The following CAMKMT variants were observed in gnomAD, a reference collection of about 807,000 sequenced individuals.
CAMKMT encodes calmodulin-lysine N-methyltransferase.
In CAMKMT, 53 loss-of-function variants were observed where a neutral mutation model predicts 48.0. The ratio of observed to expected loss-of-function variants is 1.10; its 90% CI spans 0.89 to 1.39. The LOEUF (loss-of-function observed/expected upper bound fraction) is 1.39. Among genes scored for constraint, CAMKMT ranks in the 40% most tolerant of loss-of-function variants. The probability of loss-of-function intolerance (pLI) is 0.00; values close to 1 mark genes in which losing one functional copy is unlikely to be tolerated. For missense variants in CAMKMT, 428 were observed against 402.7 expected, an observed-to-expected ratio of 1.06 and a Z score of -0.54; for synonymous variants, 165 against 152.3, an observed-to-expected ratio of 1.08 and a Z score of -0.61.
At chr2:44,447,265 C>T (rs762893387) in intron 3 of CAMKMT, among the ~76,000 whole-genome samples, 21 of 152,230 alleles carry the variant, frequency 1.4e-4, no homozygotes, top group East Asian at 5.8e-4. Context: ...AACTCATTGT[C>T]GAGTATGCTT....
intron 3 of CAMKMT, among the ~76,000 whole-genome samples, chr2:44,421,325 A>G (rs1004244970): frequency 1.3e-5 from 2 of 152,174 alleles, no homozygotes; most frequent in African/African-American, 2.4e-5. Flanking sequence ...ATGTTTGATA[A>G]GAACATCCAC....
At position 44,766,418 on chromosome 2, in the gene CAMKMT, T is replaced by A. The variant is rs769478097; in HGVS notation, c.763-12T>A. On this transcript the variant is annotated splice_polypyrimidine_tract_variant and intron_variant, in intron 9 of 10. Transcript: ENST00000378494. ...GTTTTAAAATATGTGAATTTCCTTT[T>A]TACTGTTCTAGGGGAAAGCGATGGT... The A allele has an allele frequency of 6.2e-7, 1 of 1,613,320 alleles. No individual in the cohort carries two copies. Among genetic ancestry groups the A allele is most frequent in the Non-Finnish European group, 8.5e-7 (1 of 1,179,820 alleles).
chr2:44,562,037 A>G (rs1668351232), intron 3 of CAMKMT, among the ~76,000 whole-genome samples: 1 of 152,186 alleles, frequency 6.6e-6, no homozygotes, highest in African/African-American at 2.4e-5. Context: ...ACAGGTGGTG[A>G]ACTTGTGTGA....
chr2:44,465,397 A>AGACCAG (rs1395432128), intron 3 of CAMKMT, among the ~76,000 whole-genome samples: 31 of 152,170 alleles, frequency 2.0e-4, no homozygotes, highest in South Asian at 1.0e-3. Context: ...TAGGAGTTCA[A>AGACCAG]GACCAGCCTG....
intron 2 of CAMKMT, among the ~76,000 whole-genome samples, chr2:44,380,867 A>G (rs1572690755): frequency 6.6e-6 from 1 of 152,160 alleles, no homozygotes; most frequent in South Asian, 2.1e-4. Flanking sequence ...TTTCTTTAAG[A>G]AATAATGCTT....
chr2:44,469,007 T>G (rs1230129892), intron 3 of CAMKMT, among the ~76,000 whole-genome samples: 3 of 151,994 alleles, frequency 2.0e-5, no homozygotes, highest in African/African-American at 7.2e-5. Flanking sequence ...CTCATGGAAG[T>G]AGGGAATGGA....
At chr2:44,622,816 T>C (rs1672273037) in intron 3 of CAMKMT, among the ~76,000 whole-genome samples, 1 of 152,208 alleles carries the variant, frequency 6.6e-6, no homozygotes, top group Admixed American at 6.5e-5. Context: ...TGTGTCTTAT[T>C]GGTAGAATGA....
chr2:44,687,388 G>T (rs550205939), intron 3 of CAMKMT, among the ~76,000 whole-genome samples: 1 of 152,050 alleles, frequency 6.6e-6, no homozygotes, highest in African/African-American at 2.4e-5. Context: ...TTAGTATCTC[G>T]CCCAGTGCAA....
chr2:44,456,444 T>G (rs576767183), intron 3 of CAMKMT: 2 of 1,261,806 alleles, frequency 1.6e-6, no homozygotes, highest in South Asian at 3.5e-5. Flanking sequence ...TACCCTCTAT[T>G]TCTCAGAATT....
intron 3 of CAMKMT, among the ~76,000 whole-genome samples, chr2:44,637,804 C>T (rs1295357857): frequency 3.3e-5 from 5 of 152,010 alleles, no homozygotes; most frequent in South Asian, 4.2e-4. Flanking sequence ...CGGTGGCTCA[C>T]GCCTGTAATC....
At chr2:44,514,952 C>T (rs1216049436) in intron 3 of CAMKMT, among the ~76,000 whole-genome samples, 5 of 152,120 alleles carry the variant, frequency 3.3e-5, no homozygotes, top group South Asian at 2.1e-4. Context: ...GGTATATTTA[C>T]GAGAAAGGGA....
chr2:44,373,394 A>T (rs1375798677), intron 2 of CAMKMT, among the ~76,000 whole-genome samples: 2 of 152,242 alleles, frequency 1.3e-5, no homozygotes, highest in African/African-American at 4.8e-5. Context: ...TTCTGACTTT[A>T]AAAATCATTA....
chr2:44,602,771 A>T (rs1451250571), intron 3 of CAMKMT, among the ~76,000 whole-genome samples: 1 of 152,072 alleles, frequency 6.6e-6, no homozygotes, highest in Non-Finnish European at 1.5e-5. Flanking sequence ...TGAGAATAGC[A>T]TGAGGAAAAT....
chr2:44,622,532 C>G (rs1350244737), intron 3 of CAMKMT, among the ~76,000 whole-genome samples: 3 of 152,104 alleles, frequency 2.0e-5, no homozygotes, highest in Non-Finnish European at 2.9e-5. Context: ...ATGTCTGTTC[C>G]CATCTTTGAA....
chr2:44,486,236 G>A (rs1370056849), intron 3 of CAMKMT, among the ~76,000 whole-genome samples: 1 of 152,008 alleles, frequency 6.6e-6, no homozygotes, highest in Non-Finnish European at 1.5e-5. Flanking sequence ...CAAAGTGCTG[G>A]GATTACAGGT....
Position 44,642,580 on chromosome 2 carries a change from C to A in CAMKMT, c.377-61703C>A, listed in dbSNP as rs528290319. Among the ~76,000 whole-genome samples the A allele has an allele frequency of 2.0e-5, 3 of 152,278 alleles. No homozygotes were observed. The East Asian group carries it at 5.8e-4, about 29-fold the overall frequency. On this transcript the variant is annotated intron_variant, in intron 3 of 10. Transcript: ENST00000378494. ...CCTTCTGCTTCTCTGCATTGTGTGT[C>A]TGTGATTATGTGTGTGACTTTATGA... is the stretch of plus-strand genomic sequence containing the variant.
At chr2:44,574,885 C>A (rs1021963123) in intron 3 of CAMKMT, among the ~76,000 whole-genome samples, 1 of 151,730 alleles carries the variant, frequency 6.6e-6, no homozygotes, top group African/African-American at 2.4e-5. Context: ...GGACTACAGG[C>A]ATGAGCCACC....
At chr2:44,507,296 A>G (rs1047064058) in intron 3 of CAMKMT, among the ~76,000 whole-genome samples, 5 of 152,184 alleles carry the variant, frequency 3.3e-5, no homozygotes, top group Non-Finnish European at 7.4e-5. Context: ...TTTAATTTCA[A>G]TTTTGAAACT....
At chr2:44,760,851 A>C (rs1680589370) in intron 9 of CAMKMT, among the ~76,000 whole-genome samples, 1 of 152,152 alleles carries the variant, frequency 6.6e-6, no homozygotes, top group Non-Finnish European at 1.5e-5. Context: ...GGAATCATCC[A>C]TTTAGGAGCT....
Sources: allele counts gnomAD v4.1 joint callset (sites outside exome capture counted in the v4.1 genomes callset), GRCh38; gene constraint gnomAD v4.1.1; transcripts MANE v1.5; gene names NCBI Gene and HGNC (gene_info 2026-07-23, HGNC 2026-07-21).